The following ELL variants were observed in gnomAD, a reference collection of about 807,000 sequenced individuals.
The protein encoded by ELL is elongation factor for RNA polymerase II.
ELL carries 18 observed loss-of-function variants against 64.0 expected under a neutral mutation model. The observed-to-expected ratio is 0.28, with a 90% CI of 0.19 to 0.42. The LOEUF (loss-of-function observed/expected upper bound fraction) is 0.42. ELL is among the 10% of genes least tolerant of loss of function. ELL has a pLI of 1.00. For missense variants in ELL, 797 were observed against 870.4 expected (o/e 0.92, Z 1.06); for synonymous variants, 399 against 376.2 (o/e 1.06, Z -0.70).
chr19:18,503,315 T>C (rs1418965279), intron 1 of ELL, among the ~76,000 whole-genome samples: 1 of 152,238 alleles, frequency 6.6e-6, no homozygotes, highest in South Asian at 2.1e-4. Context: ...AGTTTTTCTG[T>C]CTTATTTCTG....
At chr19:18,497,568 C>A (rs1975683705) in intron 1 of ELL, among the ~76,000 whole-genome samples, 1 of 152,088 alleles carries the variant, frequency 6.6e-6, no homozygotes. Context: ...ACCTGTAATC[C>A]CAGCACTTTA....
At chr19:18,466,393 G>A (rs1974935883) in intron 2 of ELL, among the ~76,000 whole-genome samples, 1 of 152,208 alleles carries the variant, frequency 6.6e-6, no homozygotes, top group Non-Finnish European at 1.5e-5. Flanking sequence ...CCCCCTCTCA[G>A]CATCCCCCCA....
rs567914941 is a variant in ELL at position 18,498,610 on chromosome 19, T to C, written c.135+23311A>G. On this transcript the variant is annotated intron_variant, in intron 1 of 11. Transcript: ENST00000262809. The stretch of plus-strand genomic sequence containing the variant: ...GAGACCCTCCCCAATGACCAGCAGC[T>C]GGGCTGGCCTCTCAGGACATTGCTG... Among the ~76,000 whole-genome samples, 5 of 152,272 alleles carry C rather than the reference T, an allele frequency of 3.3e-5. No homozygotes were observed. In the East Asian group the frequency reaches 9.6e-4, roughly 29 times the overall value.
chr19:18,466,139 G>A (rs1974931282), intron 2 of ELL, among the ~76,000 whole-genome samples: 2 of 152,340 alleles, frequency 1.3e-5, no homozygotes, highest in Middle Eastern at 3.4e-3. Flanking sequence ...CTATGCGGGT[G>A]GGCATGGGGC....
chr19:18,457,992 T>G (rs1167167118), intron 6 of ELL, among the ~76,000 whole-genome samples: 3 of 152,128 alleles, frequency 2.0e-5, no homozygotes, highest in Non-Finnish European at 4.4e-5. Flanking sequence ...TCCGTCCCAC[T>G]CTGTGAGCGT....
intron 1 of ELL, among the ~76,000 whole-genome samples, chr19:18,516,047 G>A (rs969951393): frequency 1.3e-5 from 2 of 152,174 alleles, no homozygotes; most frequent in African/African-American, 4.8e-5. Context: ...AGCAGGCAGG[G>A]CTGGCAAGAA....
Position 18,444,672 on chromosome 19 carries a change from G to A in ELL, c.*80C>T, listed in dbSNP as rs1384062060. 8.5e-6 allele frequency: 12 copies of A among 1,416,576 alleles called. No homozygotes were observed. The highest frequency in any genetic ancestry group is 1.1e-5 in the Non-Finnish European group (12 of 1,046,540). 87.8% of individuals were successfully genotyped at this position (1,416,576 alleles called of 1,614,324 possible). A position where few individuals can be genotyped will look rare whatever the true frequency, so the allele number is the denominator to read the frequency against. On this transcript the variant is annotated 3_prime_UTR_variant, in exon 12 of 12. Transcript: ENST00000262809. ...TGGCTCAGATGAGCATCTTCCTCGGGTTTATTTTTTTAAATAAATCCTCTC... is the reference window on the plus strand; with the variant it reads ...TGGCTCAGATGAGCATCTTCCTCGGATTTATTTTTTTAAATAAATCCTCTC...
intron 1 of ELL, among the ~76,000 whole-genome samples, chr19:18,480,195 G>C (rs773888072): frequency 6.6e-6 from 1 of 152,236 alleles, no homozygotes; most frequent in Non-Finnish European, 1.5e-5. Flanking sequence ...AAGAGCCCTG[G>C]ACGGTGGCCT....
chr19:18,468,101 A>C (rs1462369154), intron 2 of ELL, among the ~76,000 whole-genome samples: 5 of 146,660 alleles, frequency 3.4e-5, no homozygotes, highest in South Asian at 2.2e-4. Context: ...ACAAACCCCT[A>C]CACACAACCA....
intron 1 of ELL, among the ~76,000 whole-genome samples, chr19:18,520,064 C>A (rs1976228686): frequency 1.3e-5 from 2 of 152,086 alleles, no homozygotes; most frequent in African/African-American, 2.4e-5. Flanking sequence ...TGAGGAAGAT[C>A]CAGCTTAGAG....
chr19:18,463,885 C>T (rs578158627), intron 4 of ELL, among the ~76,000 whole-genome samples: 1 of 151,940 alleles, frequency 6.6e-6, no homozygotes, highest in East Asian at 1.9e-4. Context: ...ACTCGGGAGG[C>T]TGAGGCAGGA....
intron 1 of ELL, 54 bp downstream of exon 1, chr19:18,521,867 G>A (rs1976287656): frequency 1.4e-5 from 22 of 1,526,316 alleles, no homozygotes; most frequent in Non-Finnish European, 1.9e-5. Flanking sequence ...GGAGCGCGAG[G>A]CCGGCCCGCG....
At chr19:18,465,125 C>A (rs1222833495) in intron 4 of ELL, among the ~76,000 whole-genome samples, 1 of 152,226 alleles carries the variant, frequency 6.6e-6, no homozygotes, top group Non-Finnish European at 1.5e-5. Flanking sequence ...CACCAACTCA[C>A]AGCTCCTGGA....
intron 1 of ELL, among the ~76,000 whole-genome samples, chr19:18,510,243 G>A (rs1250993751): frequency 6.6e-6 from 1 of 152,234 alleles, no homozygotes; most frequent in Admixed American, 6.5e-5. Context: ...TGTGGCGCAA[G>A]CCTGTAATCC....
chr19:18,451,476 G>T, intron 7 of ELL, 76 bp downstream of exon 7: 1 of 1,250,828 alleles, frequency 8.0e-7, no homozygotes, highest in Non-Finnish European at 1.1e-6. Context: ...GGTGAGGAAG[G>T]TGACAAGGGT....
At chr19:18,492,083 G>A (rs1975544390) in intron 1 of ELL, among the ~76,000 whole-genome samples, 1 of 152,090 alleles carries the variant, frequency 6.6e-6, no homozygotes, top group Admixed American at 6.5e-5. Context: ...ATTGTCCCAG[G>A]CTGGCTTTTT....
intron 10 of ELL, 122 bp downstream of exon 10, chr19:18,446,187 A>G (rs1974409547): frequency 8.2e-7 from 1 of 1,219,426 alleles, no homozygotes; most frequent in Non-Finnish European, 1.1e-6. Flanking sequence ...CAGGGGGAGA[A>G]GCGCTGCCTG....
At chr19:18,514,088 G>A (rs1160978265) in intron 1 of ELL, among the ~76,000 whole-genome samples, 3 of 152,170 alleles carry the variant, frequency 2.0e-5, no homozygotes, top group Non-Finnish European at 2.9e-5. Flanking sequence ...AGCCCTGGAG[G>A]ATATAATTAG....
chr19:18,454,765 T>C (rs1328915010), intron 6 of ELL, among the ~76,000 whole-genome samples: 1 of 138,206 alleles, frequency 7.2e-6, no homozygotes, highest in African/African-American at 2.8e-5. Flanking sequence ...CACTTGAACC[T>C]GGGAGGCAGA....
Sources: allele counts gnomAD v4.1 joint callset (sites outside exome capture counted in the v4.1 genomes callset), GRCh38; gene constraint gnomAD v4.1.1; transcripts MANE v1.5; gene names NCBI Gene and HGNC (gene_info 2026-07-23, HGNC 2026-07-21).